Variants in FAM135B observed in about 807,000 individuals in gnomAD.
FAM135B encodes protein FAM135B.
Under a neutral mutation model 127.7 loss-of-function variants are expected in FAM135B, and 43 were observed. The ratio of observed to expected loss-of-function variants is 0.34; its 90% CI spans 0.26 to 0.43. The LOEUF is 0.43. Among genes scored for constraint, FAM135B ranks in the 20% least tolerant of loss-of-function variants. FAM135B has a pLI of 1.00. For synonymous variants in FAM135B, 670 were observed against 665.1 expected (o/e 1.01, Z -0.11); for missense variants, 1,558 against 1,725.6 (o/e 0.90, Z 1.72).
chr8:138,335,167 T>A (rs959186731), intron 2 of FAM135B, among the ~76,000 whole-genome samples: 3 of 152,146 alleles, frequency 2.0e-5, no homozygotes, highest in Non-Finnish European at 2.9e-5. Flanking sequence ...GCTCTAGACA[T>A]GACCTACAGG....
rs1261653696 is a variant in FAM135B at position 138,152,356 on chromosome 8, A to G, written c.2119T>C (p.Leu707=). Residue 707 remains leucine (L), a synonymous_variant, in exon 13 of 20, where the codon TTG becomes CTG. Coordinates refer to ENST00000395297, the MANE Select transcript of FAM135B (RefSeq NM_015912.4). ...WSEARSRALE[L]PSDREVLHPF... The stretch of plus-strand genomic sequence containing the variant: ...TGCAAGACTTCCCGATCACTGGGCA[A>G]CTCCAGAGCCCTGCTTCGGGCCTCT... 6.2e-7 allele frequency: 1 copy of G among 1,613,786 alleles called. No individual in the cohort carries two copies. Among genetic ancestry groups the G allele is most frequent in the Non-Finnish European group, 8.5e-7 (1 of 1,179,922 alleles).
rs554323044 is a variant in FAM135B at position 138,260,541 on chromosome 8, C to A, written c.298-3782G>T. 1.4e-3 allele frequency among the ~76,000 whole-genome samples: 212 copies of A among 152,298 alleles called. No homozygotes were observed. The South Asian group carries it at 0.014, about 10-fold the overall frequency. ...AGAAGCTTTTCTTCTCCCAACTACC[C>A]TGGAGTATCAGTAACTCCAAGCCCA... is the stretch of plus-strand genomic sequence containing the variant. On this transcript the variant is annotated intron_variant, in intron 4 of 19. Transcript: ENST00000395297.
chr8:138,154,043 C>T (rs948813956), intron 12 of FAM135B, among the ~76,000 whole-genome samples: 6 of 152,248 alleles, frequency 3.9e-5, no homozygotes, highest in Middle Eastern at 3.4e-3. Context: ...TCCCAGTAGG[C>T]ACTGACTGAC....
chr8:138,270,584 C>T (rs1389231430), intron 3 of FAM135B, among the ~76,000 whole-genome samples: 1 of 152,222 alleles, frequency 6.6e-6, no homozygotes, highest in African/African-American at 2.4e-5. Context: ...ATTTGATTGG[C>T]TCACAGTTCT....
rs1416458382 is a variant in FAM135B at position 138,143,097 on chromosome 8, C to T, written c.3553G>A (p.Ala1185Thr). ...CGATCCGTCATAGTATCAAAATCTGCAAATGTGTCCATCTGGAAGAAGAGA... is the reference window on the plus strand; with the variant it reads ...CGATCCGTCATAGTATCAAAATCTGTAAATGTGTCCATCTGGAAGAAGAGA... ...MSEKNQMDTFADFDTMTDRLL... is the reference protein window; with the variant it reads ...MSEKNQMDTFTDFDTMTDRLL... Residue 1185 changes from alanine (A) to threonine (T), a missense_variant, in exon 16 of 20, where the codon GCA (alanine) becomes ACA (threonine). Around this residue, in one of 5 missense-constraint regions of FAM135B, gnomAD observed 194 missense variants for 333.8 expected, o/e 0.58. Transcript: ENST00000395297. 3.4e-5 allele frequency: 54 copies of T among 1,596,738 alleles called. No individual in the cohort carries two copies. Among genetic ancestry groups the T allele is most frequent in the Non-Finnish European group, 4.3e-5 (50 of 1,164,438 alleles).
chr8:138,278,214 G>T (rs1165762578), intron 3 of FAM135B, among the ~76,000 whole-genome samples: 52 of 139,462 alleles, frequency 3.7e-4, no homozygotes, highest in African/African-American at 1.3e-3. Flanking sequence ...AGATCTAGGT[G>T]TTCATTGACA....
At position 138,226,184 on chromosome 8, in the gene FAM135B, T is replaced by TGTGTGTGC; in HGVS notation, c.669+16757_669+16758insGCACACAC. Among the ~76,000 whole-genome samples, 362 of 139,280 alleles carry TGTGTGTGC rather than the reference T, an allele frequency of 2.6e-3. 1 individual carries two copies. Among genetic ancestry groups the TGTGTGTGC allele is most frequent in the African/African-American group, 9.3e-3 (348 of 37,288 alleles). The allele number at this position is 139,280 out of a possible 152,430, so 91.4% of individuals were successfully genotyped here. ...GTGTGTGTGTGTGTGTGTGTGTGTG[T>TGTGTGTGC]GCGCGCATGTCATTTTTTTTTTCAT... On this transcript the variant is annotated intron_variant, in intron 7 of 19. Transcript: ENST00000395297.
At chr8:138,393,535 C>T (rs1320422916) in intron 1 of FAM135B, among the ~76,000 whole-genome samples, 2 of 152,074 alleles carry the variant, frequency 1.3e-5, no homozygotes, top group African/African-American at 2.4e-5. Context: ...GAACTTACTT[C>T]CTGCAGCTTA....
chr8:138,348,963 C>T (rs981344242), intron 2 of FAM135B, among the ~76,000 whole-genome samples: 3 of 152,234 alleles, frequency 2.0e-5, no homozygotes, highest in Non-Finnish European at 4.4e-5. Flanking sequence ...AGAGTTGTGG[C>T]CAGGGCCCAG....
chr8:138,421,742 T>C (rs1352678302), intron 1 of FAM135B, among the ~76,000 whole-genome samples: 3 of 152,208 alleles, frequency 2.0e-5, no homozygotes, highest in Non-Finnish European at 2.9e-5. Flanking sequence ...ATGCTATTTT[T>C]ATCAAACTAC....
At chr8:138,319,904 A>G (rs1312866237) in intron 2 of FAM135B, among the ~76,000 whole-genome samples, 1 of 152,144 alleles carries the variant, frequency 6.6e-6, no homozygotes, top group Non-Finnish European at 1.5e-5. Context: ...TCCTTATAAG[A>G]GAAAGAAGGA....
chr8:138,422,478 A>G (rs562679622), intron 1 of FAM135B, among the ~76,000 whole-genome samples: 8 of 152,196 alleles, frequency 5.3e-5, no homozygotes, highest in Non-Finnish European at 1.0e-4. Flanking sequence ...GACACTTCTC[A>G]AAATAAGACA....
chr8:138,211,100 T>C (rs997040608), intron 7 of FAM135B, among the ~76,000 whole-genome samples: 1 of 152,202 alleles, frequency 6.6e-6, no homozygotes, highest in Non-Finnish European at 1.5e-5. Context: ...AGCTCTCTCT[T>C]GGCTCCTGCA....
intron 1 of FAM135B, among the ~76,000 whole-genome samples, chr8:138,379,479 A>C (rs1477001692): frequency 1.3e-5 from 2 of 152,232 alleles, no homozygotes; most frequent in African/African-American, 4.8e-5. Context: ...TTGTGCAATA[A>C]AAATTTTGCA....
At chr8:138,480,008 G>A (rs1229355378) in intron 1 of FAM135B, among the ~76,000 whole-genome samples, 2 of 152,098 alleles carry the variant, frequency 1.3e-5, no homozygotes, top group Non-Finnish European at 2.9e-5. Context: ...GTGAGGCCCT[G>A]GGGCTGCCAC....
chr8:138,362,129 T>C (rs1339773175), intron 2 of FAM135B, among the ~76,000 whole-genome samples: 1 of 151,944 alleles, frequency 6.6e-6, no homozygotes, highest in Non-Finnish European at 1.5e-5. Context: ...TTATAAACAA[T>C]CCAATCACCC....
intron 19 of FAM135B, among the ~76,000 whole-genome samples, chr8:138,136,171 C>T (rs536461253): frequency 6.6e-6 from 1 of 151,662 alleles, no homozygotes; most frequent in African/African-American, 2.4e-5. Context: ...ATTTTTTCAT[C>T]AAAATTCCTG....
intron 1 of FAM135B, among the ~76,000 whole-genome samples, chr8:138,489,292 T>G (rs1392662113): frequency 6.6e-6 from 1 of 152,186 alleles, no homozygotes; most frequent in African/African-American, 2.4e-5. Flanking sequence ...TCCATCAGAC[T>G]AGGTCAGAAA....
chr8:138,426,654 G>C (rs1346622730), intron 1 of FAM135B, among the ~76,000 whole-genome samples: 1 of 151,540 alleles, frequency 6.6e-6, no homozygotes, highest in Non-Finnish European at 1.5e-5. Context: ...TTGTGGTATA[G>C]TCATACTTTA....
Sources: gnomAD v4.1 joint callset for allele counts (sites outside exome capture counted in the v4.1 genomes callset) on GRCh38, gnomAD v4.1.1 for gene constraint, gnomAD v4.1.1 regional missense constraint, MANE v1.5 for transcripts, NCBI Gene and HGNC (gene_info 2026-07-23, HGNC 2026-07-21) for gene names.